PTPRT: variants seen among roughly 807,000 people sequenced by gnomAD.
PTPRT encodes the protein protein tyrosine phosphatase receptor type T.
PTPRT carries 56 observed loss-of-function variants against 176.8 expected under a neutral mutation model. The ratio of observed to expected loss-of-function variants is 0.32; its 90% CI spans 0.26 to 0.40. PTPRT has a LOEUF of 0.40. PTPRT is among the 10% of genes least tolerant of loss of function. The pLI, the probability that PTPRT is intolerant of heterozygous loss-of-function variation, is 1.00. For missense variants in PTPRT, 1,540 were observed against 1,908.2 expected (o/e 0.81, Z 3.60); for synonymous variants, 783 against 739.0 (o/e 1.06, Z -0.96).
intron 1 of PTPRT, among the ~76,000 whole-genome samples, chr20:43,088,235 T>C (rs901716968): frequency 2.2e-4 from 33 of 152,096 alleles, no homozygotes; most frequent in African/African-American, 8.0e-4. Context: ...ACATGAATAA[T>C]ACCATCTTAG....
chr20:42,413,366 A>G (rs1231852135), intron 9 of PTPRT, among the ~76,000 whole-genome samples: 1 of 152,204 alleles, frequency 6.6e-6, no homozygotes, highest in Non-Finnish European at 1.5e-5. Flanking sequence ...TCCTTTAAGA[A>G]AAAAGTAATT....
chr20:42,535,339 G>A (rs985125318), intron 7 of PTPRT, among the ~76,000 whole-genome samples: 1 of 152,102 alleles, frequency 6.6e-6, no homozygotes, highest in Non-Finnish European at 1.5e-5. Context: ...GAGGGAGGGA[G>A]GAGGGTGAGG....
chr20:42,345,335 T>C (rs1451628549), intron 11 of PTPRT, among the ~76,000 whole-genome samples: 1 of 149,664 alleles, frequency 6.7e-6, no homozygotes, highest in Non-Finnish European at 1.5e-5. Context: ...ACAGCACTCT[T>C]TTCAGAATAA....
At chr20:42,546,189 G>A (rs539793029) in intron 7 of PTPRT, among the ~76,000 whole-genome samples, 6 of 152,128 alleles carry the variant, frequency 3.9e-5, no homozygotes, top group Admixed American at 2.0e-4. Context: ...TTCACAAATC[G>A]GGCAAACCCC....
chr20:42,173,611 G>A (rs551269530), intron 16 of PTPRT, among the ~76,000 whole-genome samples: 6 of 152,042 alleles, frequency 3.9e-5, no homozygotes, highest in Middle Eastern at 3.2e-3. Flanking sequence ...ATGAAAGGTC[G>A]TTGAGTTTGC....
At chr20:43,091,471 TTCTCTCTCTC>T (rs137874026) in intron 1 of PTPRT, among the ~76,000 whole-genome samples, 2 of 107,728 alleles carry the variant, frequency 1.9e-5, no homozygotes, top group Admixed American at 9.0e-5. Flanking sequence ...CCCCCTCTCT[TTCTCTCTCTC>T]TCTCTCTCTA....
At chr20:43,120,035 G>C (rs568447025) in intron 1 of PTPRT, among the ~76,000 whole-genome samples, 11 of 152,120 alleles carry the variant, frequency 7.2e-5, no homozygotes, top group Admixed American at 2.0e-4. Context: ...TCATACTCCT[G>C]GGCTCAAGCT....
At chr20:42,138,872 A>T (rs1988496747) in intron 18 of PTPRT, among the ~76,000 whole-genome samples, 1 of 151,998 alleles carries the variant, frequency 6.6e-6, no homozygotes, top group South Asian at 2.1e-4. Context: ...CCTCCCTCCT[A>T]CTTGTCCCCT....
At chr20:42,132,703 C>T (rs1460987295) in intron 18 of PTPRT, among the ~76,000 whole-genome samples, 1 of 152,226 alleles carries the variant, frequency 6.6e-6, no homozygotes, top group Non-Finnish European at 1.5e-5. Flanking sequence ...CAAGACCTGT[C>T]ATTCATTGCT....
At chr20:42,640,366 C>T (rs2074713755) in intron 7 of PTPRT, among the ~76,000 whole-genome samples, 1 of 151,818 alleles carries the variant, frequency 6.6e-6, no homozygotes, top group Admixed American at 6.6e-5. Flanking sequence ...ATTCACTGGG[C>T]ACCAATCTTT....
chr20:42,529,317 C>T (rs930744276), intron 7 of PTPRT, among the ~76,000 whole-genome samples: 24 of 152,196 alleles, frequency 1.6e-4, no homozygotes, highest in African/African-American at 5.8e-4. Context: ...CGGGGAAGGG[C>T]ACCGTGAGAC....
Position 42,173,412 on chromosome 20 carries a change from GT to G in PTPRT, c.2492-11871del, listed in dbSNP as rs200072970. ...ACCAGATATAAATGGCTTTTTATCTGTTTTAGAAAATAAACATCTAGGTATA... is the reference window on the plus strand; with the variant it reads ...ACCAGATATAAATGGCTTTTTATCTGTTTAGAAAATAAACATCTAGGTATA... On this transcript the variant is annotated intron_variant, in intron 16 of 30. Coordinates refer to ENST00000373187, the MANE Select transcript of PTPRT (RefSeq NM_007050.6). Among the ~76,000 whole-genome samples the G allele has an allele frequency of 2.0e-3, 301 of 152,178 alleles. 3 individuals carry two copies. Among genetic ancestry groups the G allele is most frequent in the Admixed American group, 0.016 (244 of 15,278 alleles).
intron 7 of PTPRT, among the ~76,000 whole-genome samples, chr20:42,613,317 C>T (rs1225887488): frequency 1.3e-5 from 2 of 152,192 alleles, no homozygotes; most frequent in Admixed American, 1.3e-4. Flanking sequence ...ACTTGCAGTG[C>T]CCCTTATTTT....
At chr20:42,686,888 C>T (rs1297967807) in intron 6 of PTPRT, among the ~76,000 whole-genome samples, 1 of 152,066 alleles carries the variant, frequency 6.6e-6, no homozygotes, top group African/African-American at 2.4e-5. Context: ...ATTCGCAAAT[C>T]CATGCTAAAG....
chr20:43,163,032 A>T (rs2014742036), intron 1 of PTPRT, among the ~76,000 whole-genome samples: 1 of 152,228 alleles, frequency 6.6e-6, no homozygotes, highest in Non-Finnish European at 1.5e-5. Context: ...ACCAACCCAG[A>T]GAAGGAACTC....
At chr20:43,127,162 A>G (rs187323972) in intron 1 of PTPRT, among the ~76,000 whole-genome samples, 5,266 of 152,166 alleles carry the variant, frequency 0.035, 126 homozygotes, top group Non-Finnish European at 0.055. Context: ...GGTGGCTCAC[A>G]CCTGTAATCC....
At chr20:43,079,771 AT>A (rs1345881790) in intron 1 of PTPRT, among the ~76,000 whole-genome samples, 1 of 152,020 alleles carries the variant, frequency 6.6e-6, no homozygotes, top group Non-Finnish European at 1.5e-5. Context: ...TCGGTTAATT[AT>A]TTTTTTCTCT....
At chr20:42,988,156 G>A (rs1419084396) in intron 1 of PTPRT, among the ~76,000 whole-genome samples, 1 of 152,208 alleles carries the variant, frequency 6.6e-6, no homozygotes, top group Admixed American at 6.5e-5. Context: ...ACTGAAGGCT[G>A]TGTGTCCTGT....
intron 9 of PTPRT, among the ~76,000 whole-genome samples, chr20:42,417,075 A>G (rs2059072814): frequency 6.6e-6 from 1 of 152,196 alleles, no homozygotes; most frequent in Non-Finnish European, 1.5e-5. Flanking sequence ...GAGAGGGAGA[A>G]AGGATGCCCT....
Sources: gnomAD v4.1 joint callset for allele counts (sites outside exome capture counted in the v4.1 genomes callset) on GRCh38, gnomAD v4.1.1 for gene constraint, MANE v1.5 for transcripts, NCBI Gene and HGNC (gene_info 2026-07-23, HGNC 2026-07-21) for gene names.